The following TMEM129 variants were observed in gnomAD, a reference collection of about 807,000 sequenced individuals.
TMEM129 encodes transmembrane protein 129, E3 ubiquitin ligase, also known as E3 ubiquitin-protein ligase TM129.
In TMEM129, 35 loss-of-function variants were observed where a neutral mutation model predicts 34.1. The ratio of observed to expected loss-of-function variants is 1.03; its 90% confidence interval spans 0.78 to 1.36. The LOEUF is 1.36. TMEM129 is among the 40% of genes most tolerant of loss of function. The pLI is 0.00. For missense variants in TMEM129, 504 were observed against 512.6 expected (o/e 0.98, Z 0.16); for synonymous variants, 239 against 217.3 (o/e 1.10, Z -0.88).
rs772545910 is a variant in TMEM129 at position 1,718,301 on chromosome 4, G to A, written c.531C>T (p.Tyr177=). ...TDTWVMKVTT[Y]RVHVAQQQDV... ...CCTGCTGCTGGGCCACGTGCACTCG[G>A]TAGGTGGTTACCTTCATCACCCACG... Residue 177 remains tyrosine, a synonymous_variant, in exon 2 of 4, where the codon TAC becomes TAT. Transcript: ENST00000382936. The A allele has an allele frequency of 3.1e-6, 5 of 1,613,328 alleles. No individual in the cohort carries two copies. In the African/African-American group the frequency reaches 6.7e-5, roughly 21 times the overall value.
intron 1 of TMEM129, among the ~76,000 whole-genome samples, chr4:1,719,412 G>A (rs1342522950): frequency 1.3e-5 from 2 of 152,104 alleles, no homozygotes; most frequent in South Asian, 2.1e-4. Flanking sequence ...TTAGCCGGGC[G>A]TGGTGGCGGG....
chr4:1,718,817 A>G, intron 1 of TMEM129, 191 bp from the exon 2 acceptor site: 1 of 1,399,500 alleles, frequency 7.1e-7, no homozygotes, highest in East Asian at 2.6e-5. Context: ...ATATTAGCGG[A>G]AAAGGTTTTT....
rs1008895887 is a variant in TMEM129 at position 1,716,261 on chromosome 4, C to G, written c.*919G>C. 1 of 152,426 alleles carries G rather than the reference C, an allele frequency of 6.6e-6. No homozygotes were observed. Among genetic ancestry groups the G allele is most frequent in the African/African-American group, 2.4e-5 (1 of 41,480 alleles). The allele number at this position is 152,426 out of a possible 1,614,324, so 9.4% of individuals were successfully genotyped here. ...TATGAAGGCCCCTCCAGTAGCCACA[C>G]CTGTGTCAGGGCTGTGCCCTGGGGC... On this transcript the variant is annotated 3_prime_UTR_variant, in exon 4 of 4. Transcript: ENST00000382936.
chr4:1,717,814 C>A, intron 2 of TMEM129, 139 bp from the exon 3 acceptor site: 1 of 1,269,602 alleles, frequency 7.9e-7, no homozygotes, highest in East Asian at 2.6e-5. Flanking sequence ...GCCCACGGAC[C>A]CAGTGCCAGA....
chr4:1,716,994 G>T lies in TMEM129; in HGVS notation c.*186C>A. On this transcript the variant is annotated 3_prime_UTR_variant, in exon 4 of 4. Transcript: ENST00000382936. Reference sequence around the variant, plus strand: ...GTACCCTGGCTGCCAAGCAGGGTGGGGTGTTTTCATGAGGATTGCTTTTAA... The same window carrying T: ...GTACCCTGGCTGCCAAGCAGGGTGGTGTGTTTTCATGAGGATTGCTTTTAA... 6.0e-6 allele frequency: 4 copies of T among 666,762 alleles called. No individual in the cohort carries two copies. The highest frequency in any genetic ancestry group is 8.7e-6 in the Non-Finnish European group (4 of 461,908). 41.3% of individuals were successfully genotyped at this position (666,762 alleles called of 1,614,324 possible). A position where few individuals can be genotyped will look rare whatever the true frequency, so the allele number is the denominator to read the frequency against.
Position 1,720,826 on chromosome 4 carries a change from G to T in TMEM129, c.12C>A (p.Pro4=). 1 of 1,584,280 alleles carries T rather than the reference G, an allele frequency of 6.3e-7. No individual in the cohort carries two copies. The change falls in exon 1 of 4, where the codon CCC becomes CCA. Residue 4 remains proline, a synonymous_variant. Coordinates refer to ENST00000382936, the MANE Select transcript of TMEM129 (RefSeq NM_001127266.2). This position sits in a 1 kb window ranked among gnomAD's most constrained non-coding sequence, Gnocchi z 4.4. MDS[P]EVTFTLAYLV... is the part of the protein sequence containing the mutation. Reference sequence around the variant, plus strand: ...GATAGGCGAGAGTGAAGGTCACCTCGGGGCTGTCCATCGCGCAGCCGCCGG... The same window carrying T: ...GATAGGCGAGAGTGAAGGTCACCTCTGGGCTGTCCATCGCGCAGCCGCCGG...
rs763207694 is a variant in TMEM129, at chr4:1,718,479, C to G, written c.353G>C (p.Arg118Pro). Residue 118 changes from arginine to proline, a missense_variant, in exon 2 of 4, where the codon CGG (arginine) becomes CCG (proline). Physicochemically the swap from Arg to Pro is moderately radical, Grantham distance 103. Coordinates refer to ENST00000382936, the MANE Select transcript of TMEM129 (RefSeq NM_001127266.2). Reference sequence around the variant, plus strand: ...GCGCGCCAGTGGGTGGCAGGCCCACCGGTCACGGGACCAGTAGTAGATCAG... The same window carrying G: ...GCGCGCCAGTGGGTGGCAGGCCCACGGGTCACGGGACCAGTAGTAGATCAG... ...CILIYYWSRDRWACHPLARTL... is the reference protein window; with the variant it reads ...CILIYYWSRDPWACHPLARTL... The G allele has an allele frequency of 1.3e-6, 2 of 1,552,238 alleles. No homozygotes were observed. The highest frequency in any genetic ancestry group is 1.7e-6 in the Non-Finnish European group (2 of 1,146,488).
chr4:1,718,801 C>T (rs1441444927), intron 1 of TMEM129, 175 bp from the exon 2 acceptor site: 4 of 1,402,776 alleles, frequency 2.9e-6, no homozygotes, highest in Non-Finnish European at 2.8e-6. Context: ...GTGGCAAAGG[C>T]AGGATATATT....
intron 2 of TMEM129, 109 bp downstream of exon 2, chr4:1,718,043 G>A (rs1284479852): frequency 4.8e-6 from 5 of 1,042,126 alleles, no homozygotes; most frequent in Non-Finnish European, 6.8e-6. Context: ...GCCCAGGAGT[G>A]TTGGAGTCCA....
Position 1,716,673 on chromosome 4 carries a change from ACAC to A in TMEM129, c.*504_*506del, listed in dbSNP as rs1434745262. 1 of 154,814 alleles carries A rather than the reference ACAC, an allele frequency of 6.5e-6. No homozygotes were observed. Among genetic ancestry groups the A allele is most frequent in the African/African-American group, 2.4e-5 (1 of 41,484 alleles). The allele number at this position is 154,814 out of a possible 1,614,324, so 9.6% of individuals were successfully genotyped here. A position where few individuals can be genotyped will look rare whatever the true frequency, so the allele number is the denominator to read the frequency against. The stretch of plus-strand genomic sequence containing the variant: ...ACCAGGAAGCCCCAGGACTGCTCCC[ACAC>A]CACAGCAGTGCCCTCTTCTCCATCC... On this transcript the variant is annotated 3_prime_UTR_variant, in exon 4 of 4. Transcript: ENST00000382936.
chr4:1,717,079 C>CT lies in TMEM129; in HGVS notation c.*100dup. The CT allele has an allele frequency of 4.4e-6, 6 of 1,354,558 alleles. No individual in the cohort carries two copies. Among genetic ancestry groups the CT allele is most frequent in the Non-Finnish European group, 5.7e-6 (6 of 1,048,586 alleles). 83.9% of individuals were successfully genotyped at this position (1,354,558 alleles called of 1,614,324 possible). On this transcript the variant is annotated 3_prime_UTR_variant, in exon 4 of 4. Transcript: ENST00000382936. Reference sequence around the variant, plus strand: ...GAGGCGAGTTGCTCTACATCATGTGCTTTAAGTAGAGCCCTTTGCCAGCCA... The same window carrying CT: ...GAGGCGAGTTGCTCTACATCATGTGCTTTTAAGTAGAGCCCTTTGCCAGCCA...
Position 1,717,443 on chromosome 4 carries a change from A to G in TMEM129, c.841-15T>C. On this transcript the variant is annotated splice_polypyrimidine_tract_variant and intron_variant, in intron 3 of 3. Transcript: ENST00000382936. ...GCCTCCAGCTCCTGCGGGCAGGTGGAGCGTCACCAGGAGCCCAGGCAGACA... is the reference window on the plus strand; with the variant it reads ...GCCTCCAGCTCCTGCGGGCAGGTGGGGCGTCACCAGGAGCCCAGGCAGACA... 1 of 1,506,556 alleles carries G rather than the reference A, an allele frequency of 6.6e-7. No homozygotes were observed. Among genetic ancestry groups the G allele is most frequent in the Admixed American group, 2.0e-5 (1 of 49,046 alleles). 93.3% of individuals were successfully genotyped at this position (1,506,556 alleles called of 1,614,324 possible).
In TMEM129 at chr4:1,717,141, T is replaced by TG. The variant is rs1190683222; in HGVS notation, c.*38dup. On this transcript the variant is annotated 3_prime_UTR_variant, in exon 4 of 4. Coordinates refer to ENST00000382936, the MANE Select transcript of TMEM129 (RefSeq NM_001127266.2). ...CACCCCCTTCCCTGCCCTGTGGCTT[T>TG]GGGGGGAGACACAGAGTCACCTCAA... The TG allele has an allele frequency of 1.1e-5, 15 of 1,402,292 alleles. No homozygotes were observed. Among genetic ancestry groups the TG allele is most frequent in the Middle Eastern group, 2.4e-4 (1 of 4,160 alleles). The allele number at this position is 1,402,292 out of a possible 1,614,324, so 86.9% of individuals were successfully genotyped here.
intron 1 of TMEM129, 108 bp from the exon 2 acceptor site, chr4:1,718,734 G>A: frequency 7.0e-7 from 1 of 1,421,236 alleles, no homozygotes; most frequent in Non-Finnish European, 9.1e-7. Flanking sequence ...TCAGCTCCCA[G>A]GGTAATTGGG....
At chr4:1,718,853 T>C (rs995655787) in intron 1 of TMEM129, 188 of 1,397,276 alleles carry the variant, frequency 1.3e-4, no homozygotes, top group Non-Finnish European at 1.5e-4. Flanking sequence ...TTTCACACAA[T>C]ACGTAAGTGT....
chr4:1,719,049 G>C, intron 1 of TMEM129: 2 of 1,276,822 alleles, frequency 1.6e-6, no homozygotes, highest in Non-Finnish European at 2.0e-6. Context: ...TGCGAGAAAG[G>C]AAGCAAGTCT....
At position 1,718,549 on chromosome 4, in the gene TMEM129, G is replaced by A; in HGVS notation, c.283C>T (p.Leu95Phe). The stretch of plus-strand genomic sequence containing the variant: ...AGGGTCACGGCCAGCAGCAGGAAGA[G>A]CCGCCAGGCCTCAGGGGCCTGGCTG... ...ALSQAPEAWRLFLLLAVTLPS... is the reference protein window; with the variant it reads ...ALSQAPEAWRFFLLLAVTLPS... Residue 95 changes from leucine (L) to phenylalanine (F), a missense_variant, in exon 2 of 4, where the codon CTC (leucine) becomes TTC (phenylalanine). Transcript: ENST00000382936. 1 of 1,505,442 alleles carries A rather than the reference G, an allele frequency of 6.6e-7. No individual in the cohort carries two copies. The highest frequency in any genetic ancestry group is 1.4e-5 in the African/African-American group (1 of 72,224). The allele number at this position is 1,505,442 out of a possible 1,614,324, so 93.3% of individuals were successfully genotyped here. A position where few individuals can be genotyped will look rare whatever the true frequency, so the allele number is the denominator to read the frequency against.
intron 1 of TMEM129, chr4:1,719,126 G>T: frequency 9.1e-7 from 1 of 1,104,110 alleles, no homozygotes; most frequent in Non-Finnish European, 1.2e-6. Flanking sequence ...CCAGATCGAG[G>T]ACAATTTGAA....
rs376153672 is a variant in TMEM129 at position 1,717,509 on chromosome 4, C to T, written c.840+7G>A. On this transcript the variant is annotated splice_region_variant and intron_variant, in intron 3 of 3. Transcript: ENST00000382936. The stretch of plus-strand genomic sequence containing the variant: ...CCATCCACCCGGCCCTGGCCCAGGC[C>T]CCCCACCTGGCTGCTGGGCACTGAG... 73 of 1,513,722 alleles carry T rather than the reference C, an allele frequency of 4.8e-5. No individual in the cohort carries two copies. The highest frequency in any genetic ancestry group is 1.7e-4 in the Middle Eastern group (1 of 5,820). The allele number at this position is 1,513,722 out of a possible 1,614,324, so 93.8% of individuals were successfully genotyped here. A position where few individuals can be genotyped will look rare whatever the true frequency, so the allele number is the denominator to read the frequency against.
Sources: allele counts gnomAD v4.1 joint callset (sites outside exome capture counted in the v4.1 genomes callset), GRCh38; gene constraint gnomAD v4.1.1; non-coding constraint Gnocchi (gnomAD v3.1); transcripts MANE v1.5; gene names NCBI Gene and HGNC (gene_info 2026-07-23, HGNC 2026-07-21).